Variants in MCF2L2 observed in about 807,000 individuals in gnomAD.
MCF2L2 encodes MCF.2 cell line derived transforming sequence-like 2.
In MCF2L2, 102 loss-of-function variants were observed where a neutral mutation model predicts 150.2. That is an observed-to-expected ratio of 0.68 (90% CI 0.58 to 0.80). The LOEUF (loss-of-function observed/expected upper bound fraction) is 0.80. Ranked by LOEUF, MCF2L2 falls within the 30% of genes least tolerant of loss-of-function variation. The pLI, the probability that MCF2L2 is intolerant of heterozygous loss-of-function variation, is 0.00. For missense variants in MCF2L2, 1,256 were observed against 1,372.8 expected, an observed-to-expected ratio of 0.91 and a Z score of 1.34; for synonymous variants, 465 against 491.3, an observed-to-expected ratio of 0.95 and a Z score of 0.71.
intron 13 of MCF2L2, among the ~76,000 whole-genome samples, chr3:183,290,353 C>G (rs1728063543): frequency 6.7e-6 from 1 of 150,238 alleles, no homozygotes; most frequent in South Asian, 2.1e-4. Context: ...GAGAAGGCCT[C>G]AAGGCTTCCT....
At chr3:183,338,508 C>G (rs1315741749) in intron 5 of MCF2L2, among the ~76,000 whole-genome samples, 1 of 151,380 alleles carries the variant, frequency 6.6e-6, no homozygotes, top group Non-Finnish European at 1.5e-5. Flanking sequence ...CCACTGTCTA[C>G]TGAATAAAAT....
intron 25 of MCF2L2, among the ~76,000 whole-genome samples, chr3:183,198,696 G>T (rs1722155621): frequency 6.6e-6 from 1 of 152,170 alleles, no homozygotes; most frequent in Admixed American, 6.5e-5. Flanking sequence ...CTATTCTATA[G>T]TTCTGGGGTG....
chr3:183,288,707 C>T (rs551439040), intron 14 of MCF2L2, among the ~76,000 whole-genome samples: 1 of 152,254 alleles, frequency 6.6e-6, no homozygotes, highest in South Asian at 2.1e-4. Flanking sequence ...GTCTCAAACT[C>T]CTGACCTCGT....
intron 3 of MCF2L2, among the ~76,000 whole-genome samples, chr3:183,360,883 C>T (rs574714445): frequency 3.3e-4 from 50 of 151,078 alleles, no homozygotes; most frequent in African/African-American, 9.2e-4. Flanking sequence ...GCAGGAGAAT[C>T]GTTTGAATCC....
At chr3:183,238,227 G>A (rs916487513) in intron 15 of MCF2L2, among the ~76,000 whole-genome samples, 2 of 149,058 alleles carry the variant, frequency 1.3e-5, no homozygotes, top group Non-Finnish European at 3.0e-5. Flanking sequence ...AAAACGTTAT[G>A]AGATTTTTTT....
At chr3:183,310,516 CG>C (rs777656642) in intron 9 of MCF2L2, 1 of 262,592 alleles carries the variant, frequency 3.8e-6, no homozygotes, top group Non-Finnish European at 7.6e-6. Context: ...AAAAAATTAC[CG>C]GGTGTGATGG....
chr3:183,294,770 A>G (rs1046690159), intron 13 of MCF2L2, among the ~76,000 whole-genome samples: 1 of 151,878 alleles, frequency 6.6e-6, no homozygotes, highest in Admixed American at 6.6e-5. Flanking sequence ...CTGGGACTAC[A>G]GGTGCCCACC....
At chr3:183,345,771 A>G (rs961267118) in intron 3 of MCF2L2, among the ~76,000 whole-genome samples, 11 of 152,236 alleles carry the variant, frequency 7.2e-5, no homozygotes, top group Non-Finnish European at 1.3e-4. Context: ...ACAAACTACC[A>G]TCAGAGAATA....
At chr3:183,346,849 A>G (rs997974842) in intron 3 of MCF2L2, among the ~76,000 whole-genome samples, 1 of 152,214 alleles carries the variant, frequency 6.6e-6, no homozygotes, top group African/African-American at 2.4e-5. Context: ...ACAACTTACA[A>G]GGGATGTGAA....
At chr3:183,213,156 G>T (rs557130511) in intron 22 of MCF2L2, among the ~76,000 whole-genome samples, 155 of 151,536 alleles carry the variant, frequency 1.0e-3, no homozygotes, top group Admixed American at 1.1e-3. Context: ...TTCCAAAAAG[G>T]AAGACTGTTT....
intron 1 of MCF2L2, among the ~76,000 whole-genome samples, chr3:183,412,228 G>C (rs969986710): frequency 6.6e-6 from 1 of 152,208 alleles, no homozygotes; most frequent in Non-Finnish European, 1.5e-5. Flanking sequence ...GCCCCTAGGA[G>C]TCAGTGCAAA....
At chr3:183,239,045 T>C (rs182713587) in intron 15 of MCF2L2, among the ~76,000 whole-genome samples, 20 of 139,436 alleles carry the variant, frequency 1.4e-4, no homozygotes, top group Admixed American at 3.6e-4. Flanking sequence ...CCATCTAAAA[T>C]CATCAAGTGT....
At chr3:183,357,081 C>A (rs542702392) in intron 3 of MCF2L2, among the ~76,000 whole-genome samples, 1 of 152,130 alleles carries the variant, frequency 6.6e-6, no homozygotes, top group South Asian at 2.1e-4. Flanking sequence ...CATTAGTGAT[C>A]TGAAATCAGT....
intron 15 of MCF2L2, chr3:183,266,021 T>C (rs1336845508): frequency 6.6e-6 from 1 of 152,092 alleles, no homozygotes; most frequent in African/African-American, 2.4e-5. Context: ...TACAGGAAAA[T>C]AAGATAAATA....
intron 10 of MCF2L2, among the ~76,000 whole-genome samples, chr3:183,307,942 A>T (rs1729178931): frequency 6.6e-6 from 1 of 152,172 alleles, no homozygotes; most frequent in Admixed American, 6.5e-5. Flanking sequence ...TCTTGCTTTG[A>T]TACTATTCCC....
chr3:183,185,122 G>A (rs759734911), intron 27 of MCF2L2, among the ~76,000 whole-genome samples: 4 of 152,194 alleles, frequency 2.6e-5, no homozygotes, highest in Non-Finnish European at 5.9e-5. Flanking sequence ...GTTTCACCAT[G>A]TTGGCCAGGA....
chr3:183,387,092 CA>C (rs1713873561), intron 2 of MCF2L2, among the ~76,000 whole-genome samples: 1 of 151,698 alleles, frequency 6.6e-6, no homozygotes, highest in South Asian at 2.1e-4. Context: ...CCCATCTCTA[CA>C]AAAAATTTAA....
intron 27 of MCF2L2, among the ~76,000 whole-genome samples, chr3:183,187,121 A>C (rs1263245154): frequency 6.6e-6 from 1 of 152,184 alleles, no homozygotes; most frequent in African/African-American, 2.4e-5. Flanking sequence ...GAGTGCCCCA[A>C]TAAGTTTGAA....
intron 1 of MCF2L2, among the ~76,000 whole-genome samples, chr3:183,416,355 G>A (rs887881074): frequency 1.5e-4 from 23 of 152,214 alleles, no homozygotes; most frequent in South Asian, 4.1e-4. Context: ...TTGTTCCTAT[G>A]GATTTGAGCT....
Sources: allele counts gnomAD v4.1 joint callset (sites outside exome capture counted in the v4.1 genomes callset), GRCh38; gene constraint gnomAD v4.1.1; transcripts MANE v1.5; gene names NCBI Gene and HGNC (gene_info 2026-07-23, HGNC 2026-07-21).